The following MARCHF6 variants were observed in gnomAD, a reference collection of about 807,000 sequenced individuals.
MARCHF6 encodes membrane associated ring-CH-type finger 6, also known as E3 ubiquitin-protein ligase MARCHF6.
MARCHF6 carries 31 observed loss-of-function variants against 133.7 expected under a neutral mutation model. The ratio of observed to expected loss-of-function variants is 0.23; its 90% confidence interval spans 0.17 to 0.31. The LOEUF (loss-of-function observed/expected upper bound fraction) is 0.31. Among genes scored for constraint, MARCHF6 ranks in the 10% least tolerant of loss-of-function variants. The pLI, the probability that MARCHF6 is intolerant of heterozygous loss-of-function variation, is 1.00. For synonymous variants in MARCHF6, 395 were observed against 402.5 expected, an observed-to-expected ratio of 0.98 and a Z score of 0.22; for missense variants, 723 against 1,121.6, an observed-to-expected ratio of 0.64 and a Z score of 5.08.
chr5:10,426,704 G>A (rs1740106860), intron 24 of MARCHF6, among the ~76,000 whole-genome samples, 182 bp downstream of exon 24: 1 of 152,150 alleles, frequency 6.6e-6, no homozygotes, highest in African/African-American at 2.4e-5. Context: ...AAGATTAGAG[G>A]ATCATAAAGC....
chr5:10,436,506 G>T lies in MARCHF6; in HGVS notation c.*2822G>T, dbSNP rs1271717905. On this transcript the variant is annotated 3_prime_UTR_variant, in exon 26 of 26. Coordinates refer to ENST00000274140, the MANE Select transcript of MARCHF6 (RefSeq NM_005885.4). ...TTTTTTTAAATTATACTATTATTTT[G>T]CTTAATTTTATATTGGGTTAAAACA... is the stretch of plus-strand genomic sequence containing the variant. The T allele has an allele frequency of 1.3e-5, 2 of 151,744 alleles. No individual in the cohort carries two copies. Among genetic ancestry groups the T allele is most frequent in the African/African-American group, 4.8e-5 (2 of 41,256 alleles). 9.4% of individuals were successfully genotyped at this position (151,744 alleles called of 1,614,324 possible). A position where few individuals can be genotyped will look rare whatever the true frequency, so the allele number is the denominator to read the frequency against.
At chr5:10,378,138 A>G (rs1736902252) in intron 2 of MARCHF6, among the ~76,000 whole-genome samples, 1 of 152,194 alleles carries the variant, frequency 6.6e-6, no homozygotes, top group African/African-American at 2.4e-5. Context: ...AGGTACACGT[A>G]ATTACCCATT....
Position 10,395,563 on chromosome 5 carries a change from A to G in MARCHF6, c.861+778A>G, listed in dbSNP as rs539063481. Among the ~76,000 whole-genome samples, 103 of 152,314 alleles carry G rather than the reference A, an allele frequency of 6.8e-4. 1 individual carries two copies. The highest frequency in any genetic ancestry group is 2.2e-3 in the African/African-American group (90 of 41,564). On this transcript the variant is annotated intron_variant, in intron 9 of 25. Transcript: ENST00000274140. ...AAAGAACTTGTTCTTTAAAGAAGAA[A>G]TGGTGCTGTTTTCAGGTCCTGTAAT...
intron 12 of MARCHF6, 122 bp from the exon 13 acceptor site, chr5:10,402,262 G>T: frequency 9.0e-7 from 1 of 1,114,956 alleles, no homozygotes; most frequent in Non-Finnish European, 1.4e-6. Context: ...TTGCAGTAAG[G>T]GTCAGTGTGG....
chr5:10,428,007 C>T (rs1740178797), intron 24 of MARCHF6, among the ~76,000 whole-genome samples: 1 of 152,116 alleles, frequency 6.6e-6, no homozygotes, highest in Non-Finnish European at 1.5e-5. Context: ...GAGTTCAGGG[C>T]TAACCTCAGG....
chr5:10,412,686 C>T (rs1296926980), intron 19 of MARCHF6, among the ~76,000 whole-genome samples: 2 of 152,152 alleles, frequency 1.3e-5, no homozygotes, highest in Non-Finnish European at 2.9e-5. Context: ...GATCCTCCTA[C>T]CTACTCAGCC....
chr5:10,432,366 A>G (rs1005039709), intron 25 of MARCHF6, among the ~76,000 whole-genome samples: 1 of 152,224 alleles, frequency 6.6e-6, no homozygotes, highest in African/African-American at 2.4e-5. Flanking sequence ...TGTCATGTGC[A>G]GGTTTCACTC....
rs1579609433 is a variant in MARCHF6 at position 10,417,335 on chromosome 5, G to C, written c.2214G>C (p.Leu738=). The change falls in exon 22 of 26, where the codon CTG becomes CTC. Residue 738 remains leucine, a synonymous_variant. Coordinates refer to ENST00000274140, the MANE Select transcript of MARCHF6 (RefSeq NM_005885.4). ...AGVVPLLLGL[L]FELVIVAPLR... ...TTGTCCCTCTCCTTCTGGGGCTCCT[G>C]TTTGAGCTGGTCATTGTGGCTCCCC... is the stretch of plus-strand genomic sequence containing the variant. 6.2e-7 allele frequency: 1 copy of C among 1,614,200 alleles called. No homozygotes were observed. Among genetic ancestry groups the C allele is most frequent in the Non-Finnish European group, 8.5e-7 (1 of 1,180,034 alleles).
At chr5:10,355,711 A>G (rs1225966541) in intron 1 of MARCHF6, among the ~76,000 whole-genome samples, 1 of 152,244 alleles carries the variant, frequency 6.6e-6, no homozygotes, top group Non-Finnish European at 1.5e-5. Flanking sequence ...ATCGTTAGGT[A>G]GTCGGCATTT....
rs1242434111 is a variant in MARCHF6 at position 10,437,379 on chromosome 5, C to T, written c.*3695C>T. 2 of 151,944 alleles carry T rather than the reference C, an allele frequency of 1.3e-5. No individual in the cohort carries two copies. The highest frequency in any genetic ancestry group is 2.1e-4 in the South Asian group (1 of 4,824). 9.4% of individuals were successfully genotyped at this position (151,944 alleles called of 1,614,324 possible). A position where few individuals can be genotyped will look rare whatever the true frequency, so the allele number is the denominator to read the frequency against. ...ATTAAAAGCCTCATTTGTGGAGATTCGCTGACTTCCTTGGTTAAGCTGTCT... is the reference window on the plus strand; with the variant it reads ...ATTAAAAGCCTCATTTGTGGAGATTTGCTGACTTCCTTGGTTAAGCTGTCT... On this transcript the variant is annotated 3_prime_UTR_variant, in exon 26 of 26. Coordinates refer to ENST00000274140, the MANE Select transcript of MARCHF6 (RefSeq NM_005885.4).
chr5:10,377,637 G>C (rs927468295), intron 1 of MARCHF6, among the ~76,000 whole-genome samples, 161 bp from the exon 2 acceptor site: 1 of 152,196 alleles, frequency 6.6e-6, no homozygotes, highest in East Asian at 1.9e-4. Flanking sequence ...ATAAACACTT[G>C]AATAGCAACT....
At position 10,374,502 on chromosome 5, in the gene MARCHF6, A is replaced by T. The variant is rs113822428; in HGVS notation, c.20-3296A>T. 2.9e-3 allele frequency among the ~76,000 whole-genome samples: 442 copies of T among 152,264 alleles called. 3 individuals are homozygous for T. The highest frequency in any genetic ancestry group is 0.01 in the African/African-American group (423 of 41,554). On this transcript the variant is annotated intron_variant, in intron 1 of 25. Coordinates refer to ENST00000274140, the MANE Select transcript of MARCHF6 (RefSeq NM_005885.4). ...GGCTGCCTGGATACTGCTGGTGGGA[A>T]TCATGGAATGGGAGCGTGGTTCTAT... is the stretch of plus-strand genomic sequence containing the variant.
At chr5:10,403,089 C>T (rs1738646166) in intron 14 of MARCHF6, among the ~76,000 whole-genome samples, 2 of 152,118 alleles carry the variant, frequency 1.3e-5, no homozygotes, top group South Asian at 4.1e-4. Flanking sequence ...AACATTTACC[C>T]TCCCATACCT....
At chr5:10,392,044 C>T (rs972809646) in intron 7 of MARCHF6, among the ~76,000 whole-genome samples, 6 of 151,610 alleles carry the variant, frequency 4.0e-5, no homozygotes, top group Admixed American at 6.6e-5. Flanking sequence ...CTGCAAGCTC[C>T]GCCTCCTGGG....
intron 7 of MARCHF6, among the ~76,000 whole-genome samples, chr5:10,393,236 A>T (rs1737982031): frequency 6.6e-6 from 1 of 151,744 alleles, no homozygotes; most frequent in Non-Finnish European, 1.5e-5. Flanking sequence ...CAGCTAATTT[A>T]GTTTTTGTTT....
chr5:10,360,005 CA>C (rs981109946), intron 1 of MARCHF6, among the ~76,000 whole-genome samples: 1 of 149,318 alleles, frequency 6.7e-6, no homozygotes, highest in Non-Finnish European at 1.5e-5. Context: ...GACTCCGTCT[CA>C]AAAAAAAAGT....
chr5:10,401,911 GTC>G, intron 11 of MARCHF6, 146 bp from the exon 12 acceptor site: 6 of 600,966 alleles, frequency 1.0e-5, no homozygotes, highest in Non-Finnish European at 1.8e-5. Flanking sequence ...TTTCAGAGAT[GTC>G]ATCCAAAGCA....
intron 5 of MARCHF6, among the ~76,000 whole-genome samples, chr5:10,387,716 G>T (rs185733154): frequency 1.3e-5 from 2 of 152,016 alleles, no homozygotes; most frequent in East Asian, 3.9e-4. Context: ...TATTACCTGG[G>T]GTAGGGTGCA....
intron 1 of MARCHF6, among the ~76,000 whole-genome samples, chr5:10,373,831 C>G (rs1284100878): frequency 1.3e-5 from 2 of 152,134 alleles, no homozygotes; most frequent in African/African-American, 4.8e-5. Context: ...TAGCACATGC[C>G]AGTTTCAAAA....
Sources: gnomAD v4.1 joint callset for allele counts (sites outside exome capture counted in the v4.1 genomes callset) on GRCh38, gnomAD v4.1.1 for gene constraint, MANE v1.5 for transcripts, NCBI Gene and HGNC (gene_info 2026-07-23, HGNC 2026-07-21) for gene names.